WWOX: variants seen among roughly 807,000 people sequenced by gnomAD.
WWOX encodes the protein WW domain containing oxidoreductase.
Under a neutral mutation model 46.2 loss-of-function variants are expected in WWOX, and 69 were observed. The observed-to-expected ratio is 1.49, with a 90% CI of 1.23 to 1.82. The LOEUF (loss-of-function observed/expected upper bound fraction) is 1.82. Ranked by LOEUF, WWOX falls within the 40% of genes most tolerant of loss-of-function variation. The probability of loss-of-function intolerance (pLI) is 0.00; values close to 1 mark genes in which losing one functional copy is unlikely to be tolerated. For synonymous variants in WWOX, 359 were observed against 202.6 expected (o/e 1.77, Z -6.56); for missense variants, 919 against 542.6 (o/e 1.69, Z -6.89).
At chr16:78,544,212 A>G (rs1336911458) in intron 8 of WWOX, among the ~76,000 whole-genome samples, 2 of 152,236 alleles carry the variant, frequency 1.3e-5, no homozygotes, top group African/African-American at 4.8e-5. Flanking sequence ...GGAAATAGAG[A>G]ACTGACACTA....
intron 8 of WWOX, among the ~76,000 whole-genome samples, chr16:79,052,588 A>G (rs925436565): frequency 7.2e-5 from 11 of 152,336 alleles, no homozygotes; most frequent in Non-Finnish European, 1.5e-4. Context: ...CCTCTTTTAA[A>G]AAGTTCTAAG....
chr16:78,713,057 C>T (rs1286435490), intron 8 of WWOX, among the ~76,000 whole-genome samples: 1 of 151,682 alleles, frequency 6.6e-6, no homozygotes, highest in East Asian at 1.9e-4. Context: ...ACTGCTTGAG[C>T]CCAGGAGATC....
intron 8 of WWOX, among the ~76,000 whole-genome samples, chr16:78,554,096 T>C (rs1330850789): frequency 6.6e-6 from 1 of 152,150 alleles, no homozygotes; most frequent in Non-Finnish European, 1.5e-5. Flanking sequence ...GGTAACAGGC[T>C]AAACCATGTG....
At chr16:78,673,725 A>G (rs1289419812) in intron 8 of WWOX, among the ~76,000 whole-genome samples, 1 of 152,232 alleles carries the variant, frequency 6.6e-6, no homozygotes, top group African/African-American at 2.4e-5. Flanking sequence ...TTTTATGTAA[A>G]TCAGTTATTA....
At chr16:78,558,297 A>G (rs187813851) in intron 8 of WWOX, among the ~76,000 whole-genome samples, 1 of 152,310 alleles carries the variant, frequency 6.6e-6, no homozygotes, top group Non-Finnish European at 1.5e-5. Context: ...AGAAGCTGCA[A>G]ATTGCTGGCT....
intron 8 of WWOX, among the ~76,000 whole-genome samples, chr16:78,723,705 G>A (rs1360593472): frequency 4.6e-5 from 6 of 131,280 alleles, no homozygotes; most frequent in Non-Finnish European, 3.3e-5. Flanking sequence ...CTGCTAATCC[G>A]GGCATTGGAG....
intron 8 of WWOX, among the ~76,000 whole-genome samples, chr16:78,593,498 A>T (rs538916945): frequency 6.6e-6 from 1 of 152,232 alleles, no homozygotes; most frequent in Non-Finnish European, 1.5e-5. Flanking sequence ...AGAGGTGGGC[A>T]CATGACCCAG....
rs2032368769 is a variant in WWOX, at chr16:78,109,635, T to C, written c.173-143T>C. 4.8e-5 allele frequency: 37 copies of C among 771,742 alleles called. 1 individual carries two copies. In the South Asian group the frequency reaches 5.4e-4, roughly 11 times the overall value. The allele number at this position is 771,742 out of a possible 1,614,324, so 47.8% of individuals were successfully genotyped here. A position where few individuals can be genotyped will look rare whatever the true frequency, so the allele number is the denominator to read the frequency against. On this transcript the variant is annotated intron_variant, in intron 2 of 8. Transcript: ENST00000566780. Reference sequence around the variant, plus strand: ...CTGCAGCTGTCGCAGTTGGAACATGTGACGAAAGCCAGTTGATGTGACAAC... The same window carrying C: ...CTGCAGCTGTCGCAGTTGGAACATGCGACGAAAGCCAGTTGATGTGACAAC...
chr16:78,321,862 A>T (rs1260406496), intron 5 of WWOX, among the ~76,000 whole-genome samples: 1 of 152,082 alleles, frequency 6.6e-6, no homozygotes, highest in African/African-American at 2.4e-5. Flanking sequence ...GGAGAGGCAT[A>T]TGATTCTGTT....
chr16:78,317,769 C>T (rs2080385400), intron 5 of WWOX, among the ~76,000 whole-genome samples: 4 of 152,136 alleles, frequency 2.6e-5, no homozygotes, highest in Admixed American at 2.6e-4. Context: ...TTTATTAGAG[C>T]ATTTTATTCC....
intron 5 of WWOX, among the ~76,000 whole-genome samples, chr16:78,235,234 C>T (rs1340464319): frequency 6.6e-6 from 1 of 152,152 alleles, no homozygotes; most frequent in Non-Finnish European, 1.5e-5. Context: ...ACTTTAAAAT[C>T]GAGTGTGGCT....
At chr16:78,882,425 A>G (rs2044361913) in intron 8 of WWOX, among the ~76,000 whole-genome samples, 1 of 151,474 alleles carries the variant, frequency 6.6e-6, no homozygotes, top group Non-Finnish European at 1.5e-5. Context: ...CCATTAAATC[A>G]TCCTAAGCTC....
At chr16:78,540,018 TCTCACA>T (rs1301336488) in intron 8 of WWOX, among the ~76,000 whole-genome samples, 63 of 102,552 alleles carry the variant, frequency 6.1e-4, no homozygotes, top group African/African-American at 1.2e-3. Context: ...TCTCTCTCTC[TCTCACA>T]CACACACACA....
intron 8 of WWOX, among the ~76,000 whole-genome samples, chr16:79,019,417 C>T (rs953308749): frequency 3.3e-5 from 5 of 151,992 alleles, no homozygotes; most frequent in African/African-American, 9.7e-5. Flanking sequence ...GTACTGTAGG[C>T]AGTTGTAACA....
At chr16:78,712,239 C>G (rs1261879065) in intron 8 of WWOX, among the ~76,000 whole-genome samples, 2 of 152,110 alleles carry the variant, frequency 1.3e-5, no homozygotes, top group Non-Finnish European at 1.5e-5. Flanking sequence ...CGCGGTGGCT[C>G]ACACCTGTAA....
At chr16:78,751,467 A>ATATATATG (rs1555528828) in intron 8 of WWOX, among the ~76,000 whole-genome samples, 2 of 142,846 alleles carry the variant, frequency 1.4e-5, no homozygotes, top group African/African-American at 5.2e-5. Flanking sequence ...GATTTTATAT[A>ATATATATG]TATATATATA....
intron 8 of WWOX, among the ~76,000 whole-genome samples, chr16:79,172,928 G>A (rs1203555297): frequency 1.3e-5 from 2 of 152,128 alleles, no homozygotes; most frequent in Non-Finnish European, 2.9e-5. Flanking sequence ...GGCTGAGGCA[G>A]GAAGATTGCT....
intron 8 of WWOX, among the ~76,000 whole-genome samples, chr16:78,820,217 A>G (rs1023788540): frequency 3.3e-5 from 5 of 152,140 alleles, no homozygotes; most frequent in African/African-American, 4.8e-5. Flanking sequence ...TAAGAAAGCA[A>G]GAACAGTCAT....
chr16:79,022,228 G>C (rs894566042), intron 8 of WWOX, among the ~76,000 whole-genome samples: 1 of 151,694 alleles, frequency 6.6e-6, no homozygotes, highest in African/African-American at 2.4e-5. Flanking sequence ...TGGGATCAGC[G>C]CCCAATGGGC....
Sources: gnomAD v4.1 joint callset for allele counts (sites outside exome capture counted in the v4.1 genomes callset) on GRCh38, gnomAD v4.1.1 for gene constraint, MANE v1.5 for transcripts, NCBI Gene and HGNC (gene_info 2026-07-23, HGNC 2026-07-21) for gene names.